Variants in ODAD3 observed in about 807,000 individuals in gnomAD.
ODAD3 encodes outer dynein arm-docking complex subunit 3.
In ODAD3, 57 loss-of-function variants were observed where a neutral mutation model predicts 70.9. The ratio of observed to expected loss-of-function variants is 0.80; its 90% CI spans 0.65 to 1.00. The LOEUF is 1.00. ODAD3 is among the 50% of genes least tolerant of loss of function. The pLI is 0.00. For synonymous variants in ODAD3, 327 were observed against 315.9 expected (o/e 1.04, Z -0.37); for missense variants, 797 against 763.9 (o/e 1.04, Z -0.51).
chr19:11,424,479 T>C (rs1168054110), intron 7 of ODAD3, among the ~76,000 whole-genome samples: 2 of 147,760 alleles, frequency 1.4e-5, no homozygotes, highest in Non-Finnish European at 3.0e-5. Context: ...AGAGACCGTG[T>C]CTCAAAAAAA....
upstream of ODAD3, chr19:11,435,146 G>GCTCCGCATCTCTCGGTTGCC: frequency 6.9e-7 from 1 of 1,445,296 alleles, no homozygotes; most frequent in Non-Finnish European, 9.1e-7. Flanking sequence ...AGGTGGTTGC[G>GCTCCGCATCTCTCGGTTGCC]CTCCGCATCT....
chr19:11,434,900 G>A lies in ODAD3; in HGVS notation c.117C>T (p.Leu39=), dbSNP rs1969626438. ...GREASGKPSH[L]RGKGTAQAWT... is the part of the protein sequence containing the mutation. ...ACGCCTGGGCTGTGCCCTTGCCTCG[G>A]AGGTGGCTGGGTTTGCCCGAAGCCT... The change falls in exon 1 of 13, where the codon CTC becomes CTT. Residue 39 remains leucine, a synonymous_variant. Coordinates refer to ENST00000356392, the MANE Select transcript of ODAD3 (RefSeq NM_145045.5). 6.2e-7 allele frequency: 1 copy of A among 1,614,156 alleles called. No homozygotes were observed.
chr19:11,432,896 C>T (rs909613135), intron 1 of ODAD3, among the ~76,000 whole-genome samples: 9 of 152,194 alleles, frequency 5.9e-5, no homozygotes, highest in Admixed American at 5.9e-4. Context: ...TGGGTTCAAG[C>T]CCCTCTCCTG....
chr19:11,430,148 A>AT (rs925718604), intron 3 of ODAD3, among the ~76,000 whole-genome samples: 1 of 151,168 alleles, frequency 6.6e-6, no homozygotes, highest in Non-Finnish European at 1.5e-5. Flanking sequence ...TATTTTATTT[A>AT]TTTTTTGAGA....
chr19:11,428,192 T>C (rs916158045), intron 3 of ODAD3, among the ~76,000 whole-genome samples: 20 of 151,846 alleles, frequency 1.3e-4, no homozygotes, highest in Admixed American at 1.1e-3. Context: ...TTCCTCGGCC[T>C]CCCAAAGTGC....
chr19:11,432,467 A>C (rs1322955863), intron 1 of ODAD3, among the ~76,000 whole-genome samples: 1 of 152,158 alleles, frequency 6.6e-6, no homozygotes, highest in Non-Finnish European at 1.5e-5. Context: ...GCTGGTCTCG[A>C]ACTCCTGGCC....
rs781584454 is a variant in ODAD3 at position 11,426,888 on chromosome 19, G to A, written c.597C>T (p.His199=). The A allele has an allele frequency of 1.9e-5, 30 of 1,609,646 alleles. 1 individual carries two copies. In the Middle Eastern group the frequency reaches 6.6e-4, roughly 35 times the overall value. ...LLEMAEAQNR[H]TEVAKTMRNL... is the part of the protein sequence containing the mutation. ...CCGCCCCTACCTTGGCCACCTCCGTGTGTCTGTTTTGCGCCTCCGCCATCT... is the reference window on the plus strand; with the variant it reads ...CCGCCCCTACCTTGGCCACCTCCGTATGTCTGTTTTGCGCCTCCGCCATCT... Residue 199 remains histidine (H), a synonymous_variant, in exon 4 of 13, where the codon CAC becomes CAT. Transcript: ENST00000356392.
chr19:11,428,429 G>C (rs1176398250), intron 3 of ODAD3, among the ~76,000 whole-genome samples: 1 of 152,132 alleles, frequency 6.6e-6, no homozygotes, highest in Non-Finnish European at 1.5e-5. Context: ...TTTTGGTAGA[G>C]ACAGGGTTTC....
Position 11,426,887 on chromosome 19 carries a change from T to C in ODAD3, c.598A>G (p.Thr200Ala). Residue 200 changes from threonine to alanine, a missense_variant, in exon 4 of 13, where the codon ACG (threonine) becomes GCG (alanine). Physicochemically the swap from Thr to Ala is moderately conservative, Grantham distance 58. Coordinates refer to ENST00000356392, the MANE Select transcript of ODAD3 (RefSeq NM_145045.5). ...CCCGCCCCTACCTTGGCCACCTCCG[T>C]GTGTCTGTTTTGCGCCTCCGCCATC... ...LEMAEAQNRH[T>A]EVAKTMRNLE... 6.2e-7 allele frequency: 1 copy of C among 1,609,544 alleles called. No homozygotes were observed. Among genetic ancestry groups the C allele is most frequent in the Non-Finnish European group, 8.5e-7 (1 of 1,177,288 alleles).
At chr19:11,425,136 T>TAC (rs1969276326) in intron 7 of ODAD3, among the ~76,000 whole-genome samples, 3 of 135,458 alleles carry the variant, frequency 2.2e-5, no homozygotes, top group Non-Finnish European at 4.6e-5. Context: ...TGTGTATATG[T>TAC]GTATATGTAC....
chr19:11,423,743 C>T (rs1969195892), intron 8 of ODAD3, 134 bp downstream of exon 8: 2 of 834,684 alleles, frequency 2.4e-6, no homozygotes. Context: ...AAGAAAGGAG[C>T]AGGTTTGTGA....
chr19:11,435,445 T>C, upstream of ODAD3: 2 of 360,366 alleles, frequency 5.5e-6, no homozygotes, highest in Middle Eastern at 1.0e-3. Context: ...AAGATGGAGG[T>C]ACGCTGCGCC....
rs1031735550 is a variant in ODAD3 at position 11,421,193 on chromosome 19, C to T, written c.1610G>A (p.Gly537Glu). ...GCGGGTGTTGTATTCGGGCAGCCTT[C>T]CCTCTAAGCTGGCGAGGAACTAAGC... The part of the protein sequence containing the change: ...ANREFLASLE[G>E]RLPEYNTRIA... Residue 537 changes from glycine (G) to glutamate (E), a missense_variant, in exon 12 of 13, where the codon GGA (glycine) becomes GAA (glutamate). Transcript: ENST00000356392. 6.2e-7 allele frequency: 1 copy of T among 1,613,450 alleles called. No individual in the cohort carries two copies. Among genetic ancestry groups the T allele is most frequent in the South Asian group, 1.1e-5 (1 of 90,974 alleles).
chr19:11,434,093 G>A (rs1568355521), intron 1 of ODAD3, among the ~76,000 whole-genome samples: 1 of 151,984 alleles, frequency 6.6e-6, no homozygotes, highest in African/African-American at 2.4e-5. Flanking sequence ...CGCACCTATA[G>A]TCCCAGCTAG....
At position 11,422,343 on chromosome 19, in the gene ODAD3, C is replaced by A; in HGVS notation, c.1434+128G>T. 8.3e-7 allele frequency: 1 copy of A among 1,198,666 alleles called. No homozygotes were observed. Among genetic ancestry groups the A allele is most frequent in the Non-Finnish European group, 1.1e-6 (1 of 886,826 alleles). 74.3% of individuals were successfully genotyped at this position (1,198,666 alleles called of 1,614,324 possible). A position where few individuals can be genotyped will look rare whatever the true frequency, so the allele number is the denominator to read the frequency against. On this transcript the variant is annotated intron_variant, in intron 10 of 12. Coordinates refer to ENST00000356392, the MANE Select transcript of ODAD3 (RefSeq NM_145045.5). This position sits in a 1 kb window ranked among gnomAD's most constrained non-coding sequence, Gnocchi z 4.6. ...CTTCCCCTGTGGGCGGGGCCTCTGA[C>A]GTCCGGGACAGAGGATGTGGCAGGC...
intron 7 of ODAD3, among the ~76,000 whole-genome samples, chr19:11,425,507 GTGTGTATA>G (rs1969332889): frequency 7.2e-6 from 1 of 139,112 alleles, no homozygotes; most frequent in African/African-American, 2.6e-5. Flanking sequence ...ATGTATATAT[GTGTGTATA>G]TATGTATATA....
At chr19:11,425,689 A>T (rs1969353465) in intron 7 of ODAD3, among the ~76,000 whole-genome samples, 1 of 145,726 alleles carries the variant, frequency 6.9e-6, no homozygotes, top group South Asian at 2.1e-4. Flanking sequence ...AACCTATCAA[A>T]CAACAACTAC....
At position 11,423,833 on chromosome 19, in the gene ODAD3, G is replaced by C. The variant is rs139917798; in HGVS notation, c.1116+44C>G. Reference sequence around the variant, plus strand: ...TTAGGCACCCCTGGGGCCCGTCTGGGGTGGGGGGGGGGCGCGGCGGAGAGG... The same window carrying C: ...TTAGGCACCCCTGGGGCCCGTCTGGCGTGGGGGGGGGGCGCGGCGGAGAGG... On this transcript the variant is annotated intron_variant, in intron 8 of 12. Transcript: ENST00000356392. The C allele has an allele frequency of 1.7e-3, 2,507 of 1,472,078 alleles. 42 individuals carry two copies. The African/African-American group carries it at 0.033, about 19-fold the overall frequency. 91.2% of individuals were successfully genotyped at this position (1,472,078 alleles called of 1,614,324 possible).
chr19:11,434,990 G>C lies in ODAD3; in HGVS notation c.27C>G (p.Ala9=), dbSNP rs939801150. The part of the protein sequence containing the change: MTSPLCRA[A]SANALPPQDQ... ...CCTGAGGAGGCAGGGCGTTGGCGGA[G>C]GCCGCCCTGCACAGAGGAGATGTCA... The change falls in exon 1 of 13, where the codon GCC becomes GCG. Residue 9 remains alanine (A), a synonymous_variant. Transcript: ENST00000356392. 1 of 1,612,578 alleles carries C rather than the reference G, an allele frequency of 6.2e-7. No homozygotes were observed. The highest frequency in any genetic ancestry group is 1.3e-5 in the African/African-American group (1 of 74,946).
Sources: gnomAD v4.1 joint callset for allele counts (sites outside exome capture counted in the v4.1 genomes callset) on GRCh38, gnomAD v4.1.1 for gene constraint, Gnocchi (gnomAD v3.1) non-coding constraint, MANE v1.5 for transcripts, NCBI Gene and HGNC (gene_info 2026-07-23, HGNC 2026-07-21) for gene names.